The following MDN1 variants were observed in gnomAD, a reference collection of about 807,000 sequenced individuals.
The protein encoded by MDN1 is midasin.
Under a neutral mutation model 669.2 loss-of-function variants are expected in MDN1, and 266 were observed. The ratio of observed to expected loss-of-function variants is 0.40; its 90% CI spans 0.36 to 0.44. MDN1 has a LOEUF of 0.44. Ranked by LOEUF, MDN1 falls within the 20% of genes least tolerant of loss-of-function variation. The probability of loss-of-function intolerance (pLI) is 1.00; values close to 1 mark genes in which losing one functional copy is unlikely to be tolerated. For missense variants in MDN1, 5,940 were observed against 6,754.0 expected (o/e 0.88, Z 4.22); for synonymous variants, 2,385 against 2,457.1 (o/e 0.97, Z 0.87).
intron 15 of MDN1, among the ~76,000 whole-genome samples, chr6:89,763,385 C>T (rs189427800): frequency 1.5e-3 from 226 of 149,126 alleles, no homozygotes; most frequent in African/African-American, 5.3e-3. Flanking sequence ...GTTTGTGGTA[C>T]TCCAAAGCTC....
chr6:89,790,703 T>C (rs1436314132), intron 5 of MDN1, among the ~76,000 whole-genome samples: 1 of 152,068 alleles, frequency 6.6e-6, no homozygotes, highest in Non-Finnish European at 1.5e-5. Context: ...ACCCCGACTC[T>C]AGAAAAATAA....
chr6:89,732,895 G>A lies in MDN1; in HGVS notation c.4724-120C>T, dbSNP rs1815696497. On this transcript the variant is annotated intron_variant, in intron 33 of 101. Coordinates refer to ENST00000369393, the MANE Select transcript of MDN1 (RefSeq NM_014611.3). ...CTCTGCTCCTTCTAAGCAAAGTTCT[G>A]TGAATGAATGTACATAAATGCTGTT... is the stretch of plus-strand genomic sequence containing the variant. 1.7e-5 allele frequency: 13 copies of A among 749,394 alleles called. 1 individual carries two copies. In the South Asian group the frequency reaches 2.2e-4, roughly 13 times the overall value. The allele number at this position is 749,394 out of a possible 1,614,324, so 46.4% of individuals were successfully genotyped here.
intron 49 of MDN1, 138 bp downstream of exon 49, chr6:89,711,898 A>T: frequency 1.3e-6 from 1 of 742,118 alleles, no homozygotes; most frequent in Non-Finnish European, 2.2e-6. Context: ...GTAATGCTAG[A>T]CCACAAATTT....
At chr6:89,684,845 C>T (rs766381687) in intron 71 of MDN1, 31 bp downstream of exon 71, 2 of 1,411,538 alleles carry the variant, frequency 1.4e-6, no homozygotes, top group South Asian at 1.2e-5. Flanking sequence ...TTTGTCCTCC[C>T]AAGAGTGATC....
At chr6:89,761,790 T>G in intron 16 of MDN1, 42 bp from the exon 17 acceptor site, 1 of 1,359,452 alleles carries the variant, frequency 7.4e-7, no homozygotes, top group Non-Finnish European at 1.0e-6. Context: ...TTTTGAATTG[T>G]AATATATACA....
chr6:89,819,417 A>C lies in MDN1; in HGVS notation c.102+89T>G, dbSNP rs113222816. On this transcript the variant is annotated intron_variant, in intron 1 of 101. Transcript: ENST00000369393. ...TGAGGCTGCACCACTCCCCACTTAA[A>C]GCGGCGAGTATCGGCGGGGGAGCGC... 1.2e-3 allele frequency: 1,553 copies of C among 1,258,910 alleles called. 14 individuals are homozygous for C. The African/African-American group carries it at 0.02, about 17-fold the overall frequency. 78.0% of individuals were successfully genotyped at this position (1,258,910 alleles called of 1,614,324 possible).
chr6:89,644,058 T>C lies in MDN1; in HGVS notation c.16738A>G (p.Ser5580Gly). ...TCAAACCACTGTCTGAGGGCATCGC[T>C]GAGTGTCTCAGGAAGTGCGTTTACA... ...RDVNALPETL[S>G]DALRQWFELV... The change falls in exon 102 of 102, where the codon AGC becomes GGC. Residue 5580 changes from serine (S) to glycine (G), a missense_variant. Transcript: ENST00000369393. 6.2e-7 allele frequency: 1 copy of C among 1,614,106 alleles called. No individual in the cohort carries two copies. The highest frequency in any genetic ancestry group is 8.5e-7 in the Non-Finnish European group (1 of 1,179,994).
At chr6:89,703,212 A>G (rs1813277417) in intron 53 of MDN1, among the ~76,000 whole-genome samples, 1 of 152,126 alleles carries the variant, frequency 6.6e-6, no homozygotes, top group African/African-American at 2.4e-5. Flanking sequence ...ACTTAGGATT[A>G]TAGGCATGAG....
At position 89,678,515 on chromosome 6, in the gene MDN1, G is replaced by C. The variant is rs190874233; in HGVS notation, c.12412+84C>G. On this transcript the variant is annotated intron_variant, in intron 75 of 101. Transcript: ENST00000369393. ...TTGTCCACCATCTCAACTGTCTATG[G>C]AATTTCCCCCAAAATCAGTCATGTC... is the stretch of plus-strand genomic sequence containing the variant. 14 of 1,497,780 alleles carry C rather than the reference G, an allele frequency of 9.3e-6. No individual in the cohort carries two copies. In the Middle Eastern group the frequency reaches 5.3e-4, roughly 56 times the overall value. The allele number at this position is 1,497,780 out of a possible 1,614,324, so 92.8% of individuals were successfully genotyped here.
At chr6:89,672,096 G>A (rs1296704573) in intron 82 of MDN1, 104 bp downstream of exon 82, 2 of 1,222,838 alleles carry the variant, frequency 1.6e-6, no homozygotes, top group African/African-American at 3.1e-5. Context: ...TTTTGGCACT[G>A]AGGCCTGCTC....
intron 33 of MDN1, among the ~76,000 whole-genome samples, chr6:89,737,695 T>C (rs921817224): frequency 2.0e-5 from 3 of 150,888 alleles, no homozygotes; most frequent in Non-Finnish European, 4.4e-5. Context: ...TCGCCCAGGC[T>C]GGAGTACAAT....
At chr6:89,675,768 G>A (rs1811138088) in intron 77 of MDN1, 189 bp from the exon 78 acceptor site, 1 of 576,588 alleles carries the variant, frequency 1.7e-6, no homozygotes, top group Non-Finnish European at 3.0e-6. Flanking sequence ...GACAGGAACT[G>A]GATTTAACTC....
Position 89,700,157 on chromosome 6 carries a change from T to C in MDN1, c.8776A>G (p.Arg2926Gly), listed in dbSNP as rs1018098945. The C allele has an allele frequency of 6.2e-7, 1 of 1,614,170 alleles. No homozygotes were observed. The change falls in exon 57 of 102, where the codon AGG becomes GGG. Residue 2926 changes from arginine (R) to glycine (G), a missense_variant. Arg to Gly is a moderately radical substitution (Grantham distance 125, BLOSUM62 -2). Around this residue, in one of 5 missense-constraint regions of MDN1, gnomAD observed 2,292 missense variants for 2,638.3 expected, o/e 0.87. Coordinates refer to ENST00000369393, the MANE Select transcript of MDN1 (RefSeq NM_014611.3). ...ATTGCAGGCCACAACTGAACACTCCTGGTGAGGTGGATTACGGAGGTCAAG... is the reference window on the plus strand; with the variant it reads ...ATTGCAGGCCACAACTGAACACTCCCGGTGAGGTGGATTACGGAGGTCAAG... Reference protein sequence around the residue: ...PDLTSVIHLTRSVQLWPAMEY... With the variant: ...PDLTSVIHLTGSVQLWPAMEY...
Position 89,671,957 on chromosome 6 carries a change from T to C in MDN1, c.13794+243A>G, listed in dbSNP as rs887753428. Among the ~76,000 whole-genome samples the C allele has an allele frequency of 1.1e-4, 16 of 152,360 alleles. No homozygotes were observed. The Middle Eastern group carries it at 0.01, about 97-fold the overall frequency. ...TGAATAAGATATGAAAGAATCCTAA[T>C]ATAATGGATATTCTGAATGGTTAGC... On this transcript the variant is annotated intron_variant, in intron 82 of 101. Coordinates refer to ENST00000369393, the MANE Select transcript of MDN1 (RefSeq NM_014611.3).
intron 37 of MDN1, among the ~76,000 whole-genome samples, chr6:89,726,486 A>G (rs1263614694): frequency 4.0e-5 from 6 of 151,592 alleles, no homozygotes; most frequent in African/African-American, 9.7e-5. Flanking sequence ...AAAATAGAAA[A>G]AAAAAAAAAA....
In MDN1 at chr6:89,658,832, G is replaced by C. The variant is rs575063395; in HGVS notation, c.14799C>G (p.Asn4933Lys). 2 of 1,614,074 alleles carry C rather than the reference G, an allele frequency of 1.2e-6. No homozygotes were observed. The highest frequency in any genetic ancestry group is 1.7e-6 in the Non-Finnish European group (2 of 1,180,022). The change falls in exon 89 of 102, where the codon AAC becomes AAG. Residue 4933 changes from asparagine to lysine, a missense_variant. This residue lies in a region of MDN1 where 2,280 missense variants were observed against 2,576.3 expected (regional missense o/e 0.88). Coordinates refer to ENST00000369393, the MANE Select transcript of MDN1 (RefSeq NM_014611.3). ...CAGGCTCCTGTGGACTCTGACTTTC[G>C]TTCTGGTCGGTCTCGGTCTCTCCTC... ...EERGETETDQ[N>K]ESQSPQEPEE... is the part of the protein sequence containing the mutation.
rs761960661 is a variant in MDN1 at position 89,708,677 on chromosome 6, C to G, written c.7766-49G>C. On this transcript the variant is annotated intron_variant, in intron 50 of 101. Transcript: ENST00000369393. ...AAAAATCAGAAATATTGGAGAAACTCCTTGCCTGGGAAGTTTCAGTTGAAT... is the reference window on the plus strand; with the variant it reads ...AAAAATCAGAAATATTGGAGAAACTGCTTGCCTGGGAAGTTTCAGTTGAAT... 13 of 1,583,774 alleles carry G rather than the reference C, an allele frequency of 8.2e-6. No individual in the cohort carries two copies. The East Asian group carries it at 2.7e-4, about 33-fold the overall frequency.
intron 86 of MDN1, 138 bp from the exon 87 acceptor site, chr6:89,662,377 C>T: frequency 1.2e-6 from 1 of 808,498 alleles, no homozygotes; most frequent in Non-Finnish European, 1.9e-6. Flanking sequence ...CATCCGTGAC[C>T]TAGAGAAAAC....
In MDN1 at chr6:89,719,127, T is replaced by G; in HGVS notation, c.6057+9A>C. On this transcript the variant is annotated intron_variant, in intron 41 of 101. Transcript: ENST00000369393. The stretch of plus-strand genomic sequence containing the variant: ...GTCAAAGGATAGAGGATTATCCTAG[T>G]CTCCTTACCTGAACATCATAGGGAG... 1 of 1,611,716 alleles carries G rather than the reference T, an allele frequency of 6.2e-7. No individual in the cohort carries two copies. Among genetic ancestry groups the G allele is most frequent in the Non-Finnish European group, 8.5e-7 (1 of 1,177,810 alleles).
Sources: gnomAD v4.1 joint callset for allele counts (sites outside exome capture counted in the v4.1 genomes callset) on GRCh38, gnomAD v4.1.1 for gene constraint, gnomAD v4.1.1 regional missense constraint, MANE v1.5 for transcripts, NCBI Gene and HGNC (gene_info 2026-07-23, HGNC 2026-07-21) for gene names.